The following CEP85L variants were observed in gnomAD, a reference collection of about 807,000 sequenced individuals.
CEP85L encodes centrosomal protein of 85 kDa-like.
A neutral mutation model predicts 100.3 loss-of-function variants in CEP85L; 60 were observed. That is an observed-to-expected ratio of 0.60 (90% CI 0.49 to 0.74). CEP85L has a LOEUF of 0.74. Among genes scored for constraint, CEP85L ranks in the 30% least tolerant of loss-of-function variants. The pLI, the probability that CEP85L is intolerant of heterozygous loss-of-function variation, is 0.00. For missense variants in CEP85L, 973 were observed against 936.2 expected (o/e 1.04, Z -0.51); for synonymous variants, 319 against 322.7 (o/e 0.99, Z 0.12).
intron 1 of CEP85L, among the ~76,000 whole-genome samples, chr6:118,709,367 G>C (rs1039985840): frequency 4.6e-5 from 7 of 152,166 alleles, no homozygotes; most frequent in African/African-American, 1.7e-4. Context: ...TCAAACAGGA[G>C]TTGAGTGTGT....
At chr6:118,637,774 C>T (rs1774605502) in intron 1 of CEP85L, among the ~76,000 whole-genome samples, 1 of 145,462 alleles carries the variant, frequency 6.9e-6, no homozygotes, top group Non-Finnish European at 1.5e-5. Context: ...AAAATATTTG[C>T]AGATATGGTA....
intron 10 of CEP85L, among the ~76,000 whole-genome samples, chr6:118,474,135 T>C (rs1773175830): frequency 6.6e-6 from 1 of 152,120 alleles, no homozygotes; most frequent in African/African-American, 2.4e-5. Context: ...TAATTAAAAA[T>C]TTCTGGAAAT....
chr6:118,641,420 T>C (rs1434156708), intron 1 of CEP85L, among the ~76,000 whole-genome samples: 1 of 152,046 alleles, frequency 6.6e-6, no homozygotes, highest in Non-Finnish European at 1.5e-5. Context: ...ATACTGAAAA[T>C]TATCTTTAGG....
At chr6:118,694,617 C>T (rs1022947799) in intron 1 of CEP85L, among the ~76,000 whole-genome samples, 5 of 152,042 alleles carry the variant, frequency 3.3e-5, no homozygotes, top group African/African-American at 7.2e-5. Context: ...ATCTCTCTCT[C>T]GAGGTATAAA....
At chr6:118,652,825 A>G (rs1475330817), upstream of CEP85L, 1 of 1,075,466 alleles carries the variant, frequency 9.3e-7, no homozygotes, top group Non-Finnish European at 1.4e-6. Context: ...ATAAAAAGAT[A>G]CAGAAACATG....
Position 118,651,137 on chromosome 6 carries a change from C to T in CEP85L, c.73+60G>A. The T allele has an allele frequency of 6.2e-6, 9 of 1,453,672 alleles. No individual in the cohort carries two copies. The South Asian group carries it at 1.1e-4, about 17-fold the overall frequency. 90.0% of individuals were successfully genotyped at this position (1,453,672 alleles called of 1,614,324 possible). ...GCGGGAGGGGAGCGGCGGCGAGGTC[C>T]CGAGGCGCCGCGGTCGGCCGTGACC... On this transcript the variant is annotated intron_variant, in intron 1 of 12. Coordinates refer to ENST00000368491, the MANE Select transcript of CEP85L (RefSeq NM_001042475.3).
At chr6:118,466,137 C>T (rs1772503299) in intron 12 of CEP85L, among the ~76,000 whole-genome samples, 1 of 152,154 alleles carries the variant, frequency 6.6e-6, no homozygotes, top group African/African-American at 2.4e-5. Flanking sequence ...AGGCTGATAG[C>T]TGGTTGCCTA....
chr6:118,523,942 A>G (rs1776808829), intron 3 of CEP85L, 22 bp from the exon 4 acceptor site: 4 of 1,014,908 alleles, frequency 3.9e-6, no homozygotes, highest in Non-Finnish European at 5.9e-6. Flanking sequence ...TGTTTACACA[A>G]TTAGTATACT....
intron 2 of CEP85L, among the ~76,000 whole-genome samples, chr6:118,594,413 C>T (rs1253706727): frequency 6.6e-6 from 1 of 151,928 alleles, no homozygotes. Flanking sequence ...TTTATCAGCC[C>T]CTATTTAAAA....
At chr6:118,665,945 C>T (rs541906029) in intron 1 of CEP85L, among the ~76,000 whole-genome samples, 6 of 152,162 alleles carry the variant, frequency 3.9e-5, no homozygotes, top group Non-Finnish European at 7.4e-5. Flanking sequence ...ATAGCCTTGC[C>T]GAATACTTGG....
intron 3 of CEP85L, among the ~76,000 whole-genome samples, chr6:118,540,255 CATG>C (rs1419250206): frequency 2.0e-5 from 3 of 152,082 alleles, no homozygotes; most frequent in South Asian, 2.1e-4. Context: ...TTTCCTGTAT[CATG>C]ATAAGTTGGG....
chr6:118,592,770 T>C (rs1050092107), intron 2 of CEP85L, among the ~76,000 whole-genome samples: 1 of 152,174 alleles, frequency 6.6e-6, no homozygotes, highest in Non-Finnish European at 1.5e-5. Context: ...TCAATAAATG[T>C]TGGTATCATT....
intron 2 of CEP85L, among the ~76,000 whole-genome samples, chr6:118,584,491 T>C (rs1043473961): frequency 1.3e-5 from 2 of 152,192 alleles, no homozygotes; most frequent in African/African-American, 4.8e-5. Context: ...TCTTTTAACC[T>C]GGGAATCTGA....
intron 1 of CEP85L, among the ~76,000 whole-genome samples, chr6:118,692,326 A>G (rs760364357): frequency 1.3e-5 from 2 of 152,178 alleles, no homozygotes; most frequent in Non-Finnish European, 2.9e-5. Flanking sequence ...TTGGGCATCA[A>G]TTCTGCCTCA....
intron 5 of CEP85L, among the ~76,000 whole-genome samples, chr6:118,508,939 C>T (rs552410315): frequency 2.6e-5 from 4 of 152,154 alleles, no homozygotes; most frequent in African/African-American, 9.6e-5. Context: ...CTAACCCTCA[C>T]CATTTTATTG....
intron 2 of CEP85L, among the ~76,000 whole-genome samples, chr6:118,575,062 A>ACTC (rs1780142846): frequency 6.6e-6 from 1 of 151,864 alleles, no homozygotes; most frequent in Admixed American, 6.6e-5. Context: ...CACACAAGAA[A>ACTC]CTCGAGTTGA....
intron 5 of CEP85L, among the ~76,000 whole-genome samples, chr6:118,508,113 G>T (rs946098351): frequency 1.3e-5 from 2 of 152,138 alleles, no homozygotes; most frequent in African/African-American, 4.8e-5. Flanking sequence ...TTGCTTTTGT[G>T]TTCCCAGAAT....
chr6:118,492,383 A>G (rs909379564), intron 5 of CEP85L, among the ~76,000 whole-genome samples: 8 of 152,144 alleles, frequency 5.3e-5, no homozygotes, highest in African/African-American at 1.2e-4. Flanking sequence ...ATTCTTGTCC[A>G]TCTCAAAGTG....
Position 118,645,985 on chromosome 6 carries a change from G to A in CEP85L, c.73+5212C>T, listed in dbSNP as rs979707030. Among the ~76,000 whole-genome samples, 8 of 152,166 alleles carry A rather than the reference G, an allele frequency of 5.3e-5. No individual in the cohort carries two copies. In the South Asian group the frequency reaches 6.2e-4, roughly 12 times the overall value. On this transcript the variant is annotated intron_variant, in intron 1 of 12. Transcript: ENST00000368491. ...CTTAATCCCAGCACTTTGGGAGGCC[G>A]AGGCTGGCAGATCACGAGGTCAGGA... is the stretch of plus-strand genomic sequence containing the variant.
Sources: gnomAD v4.1 joint callset for allele counts (sites outside exome capture counted in the v4.1 genomes callset) on GRCh38, gnomAD v4.1.1 for gene constraint, MANE v1.5 for transcripts, NCBI Gene and HGNC (gene_info 2026-07-23, HGNC 2026-07-21) for gene names.